The following SNX29 variants were observed in gnomAD, a reference collection of about 807,000 sequenced individuals.
SNX29 encodes the protein sorting nexin 29.
A neutral mutation model predicts 102.1 loss-of-function variants in SNX29; 78 were observed. The observed-to-expected ratio is 0.76, with a 90% confidence interval of 0.64 to 0.92. The LOEUF is 0.92. Ranked by LOEUF, SNX29 falls within the 40% of genes least tolerant of loss-of-function variation. The pLI, the probability that SNX29 is intolerant of heterozygous loss-of-function variation, is 0.00. For synonymous variants in SNX29, 580 were observed against 414.5 expected, an observed-to-expected ratio of 1.40 and a Z score of -4.85; for missense variants, 1,280 against 1,061.7, an observed-to-expected ratio of 1.21 and a Z score of -2.86.
At chr16:12,498,969 C>T (rs1391952400) in intron 19 of SNX29, among the ~76,000 whole-genome samples, 1 of 152,088 alleles carries the variant, frequency 6.6e-6, no homozygotes, top group African/African-American at 2.4e-5. Context: ...GGTAATGGAG[C>T]CATAGCTCCT....
intron 20 of SNX29, among the ~76,000 whole-genome samples, chr16:12,567,595 C>T (rs1016363219): frequency 2.0e-5 from 3 of 151,980 alleles, no homozygotes; most frequent in Non-Finnish European, 4.4e-5. Context: ...GAGCAAGACC[C>T]CATCTCTACA....
chr16:12,380,291 C>A (rs2083024920), intron 16 of SNX29, among the ~76,000 whole-genome samples: 1 of 148,646 alleles, frequency 6.7e-6, no homozygotes, highest in Non-Finnish European at 1.5e-5. Flanking sequence ...TCTCATCTAC[C>A]CCCCAACACC....
At chr16:12,547,274 G>A (rs1794318) in intron 20 of SNX29, among the ~76,000 whole-genome samples, 2 of 152,034 alleles carry the variant, frequency 1.3e-5, no homozygotes, top group African/African-American at 2.4e-5. Context: ...GCCTTGAAGA[G>A]TTGGCCCCTG....
At position 12,288,772 on chromosome 16, in the gene SNX29, C is replaced by T. The variant is rs2079693183; in HGVS notation, c.1782+10736C>T. Among the ~76,000 whole-genome samples the T allele has an allele frequency of 2.0e-5, 3 of 151,468 alleles. No individual in the cohort carries two copies. The South Asian group carries it at 6.3e-4, about 32-fold the overall frequency. The stretch of plus-strand genomic sequence containing the variant: ...TTTAGGCACTGTGTTAATTGCATTA[C>T]ATGGACTGTTTGATTCATTGTTCTC... On this transcript the variant is annotated intron_variant, in intron 15 of 20. Transcript: ENST00000566228.
In SNX29 at chr16:12,547,720, C is replaced by T. The variant is rs142942797; in HGVS notation, c.2319-20786C>T. 2.8e-3 allele frequency among the ~76,000 whole-genome samples: 423 copies of T among 152,292 alleles called. 3 individuals are homozygous for T. Among genetic ancestry groups the T allele is most frequent in the African/African-American group, 9.9e-3 (410 of 41,562 alleles). The stretch of plus-strand genomic sequence containing the variant: ...CCTGTCTGGGATCTGCATAGCATGG[C>T]ACCCATCACTGCCCCTCTAAGCCTC... On this transcript the variant is annotated intron_variant, in intron 20 of 20. Coordinates refer to ENST00000566228, the MANE Select transcript of SNX29 (RefSeq NM_032167.5).
chr16:12,309,444 C>T (rs1269384078), intron 15 of SNX29, among the ~76,000 whole-genome samples: 1 of 152,114 alleles, frequency 6.6e-6, no homozygotes, highest in African/African-American at 2.4e-5. Context: ...GTAACCTGTC[C>T]CCTCCCATCT....
intron 1 of SNX29, among the ~76,000 whole-genome samples, chr16:11,990,419 TC>T (rs2055804050): frequency 6.6e-6 from 1 of 152,190 alleles, no homozygotes; most frequent in Admixed American, 6.5e-5. Flanking sequence ...CCCGCTCATT[TC>T]CATGCCTCAC....
At chr16:12,474,774 C>G (rs145892113) in intron 18 of SNX29, among the ~76,000 whole-genome samples, 1 of 152,174 alleles carries the variant, frequency 6.6e-6, no homozygotes, top group African/African-American at 2.4e-5. Context: ...TGATCTCTCT[C>G]CCACTTCCGT....
chr16:12,446,473 C>T (rs912332976), intron 18 of SNX29, among the ~76,000 whole-genome samples: 1 of 152,148 alleles, frequency 6.6e-6, no homozygotes, highest in African/African-American at 2.4e-5. Context: ...TAGTAACTGC[C>T]TCTAATTGAG....
At chr16:12,440,195 C>G (rs1429942903) in intron 18 of SNX29, among the ~76,000 whole-genome samples, 2 of 152,236 alleles carry the variant, frequency 1.3e-5, no homozygotes, top group Non-Finnish European at 2.9e-5. Context: ...CTTCAGCCTT[C>G]TCTCTTTCTC....
At chr16:12,293,196 C>T (rs8046012) in intron 15 of SNX29, among the ~76,000 whole-genome samples, 84,910 of 151,916 alleles carry the variant, frequency 0.56, 24,041 homozygotes, top group African/African-American at 0.59. Flanking sequence ...CCCACCTTGG[C>T]CTCCGAAAGT....
In SNX29 at chr16:12,011,152, C is replaced by G. The variant is rs184222092; in HGVS notation, c.122+8109C>G. Among the ~76,000 whole-genome samples, 3 of 134,102 alleles carry G rather than the reference C, an allele frequency of 2.2e-5. No individual in the cohort carries two copies. In the East Asian group the frequency reaches 6.7e-4, roughly 30 times the overall value. 88.0% of individuals were successfully genotyped at this position (134,102 alleles called of 152,430 possible). A position where few individuals can be genotyped will look rare whatever the true frequency, so the allele number is the denominator to read the frequency against. ...TAGTAGACAGTCCATATTGCATACT[C>G]TTTTATTTTACTGCTTGATTAAATG... On this transcript the variant is annotated intron_variant, in intron 3 of 20. Transcript: ENST00000566228.
chr16:12,554,097 G>A (rs1459825436), intron 20 of SNX29, among the ~76,000 whole-genome samples: 2 of 152,192 alleles, frequency 1.3e-5, no homozygotes, highest in African/African-American at 2.4e-5. Context: ...AAAGCACTTG[G>A]GATTACAGGT....
At chr16:12,544,397 C>A (rs2077489386) in intron 20 of SNX29, among the ~76,000 whole-genome samples, 1 of 152,172 alleles carries the variant, frequency 6.6e-6, no homozygotes. Context: ...TGAGGTGGTT[C>A]TGCTAAAACA....
rs763200178 is a variant in SNX29, at chr16:12,043,083, T to A, written c.428+6T>A. The A allele has an allele frequency of 1.9e-6, 3 of 1,612,918 alleles. No individual in the cohort carries two copies. The South Asian group carries it at 3.3e-5, about 18-fold the overall frequency. ...GCCGACCGCTGCAGGCTGAGGTACG[T>A]GGCCGGGATGCGAACTGGGATGGGA... On this transcript the variant is annotated splice_donor_region_variant and intron_variant, in intron 5 of 20. Transcript: ENST00000566228.
intron 15 of SNX29, among the ~76,000 whole-genome samples, chr16:12,306,578 C>T (rs984008612): frequency 6.6e-6 from 1 of 152,138 alleles, no homozygotes; most frequent in East Asian, 1.9e-4. Flanking sequence ...CCTTTGAATA[C>T]GTGTTTCGCT....
intron 13 of SNX29, among the ~76,000 whole-genome samples, chr16:12,196,762 A>G (rs1052477458): frequency 1.3e-5 from 2 of 151,904 alleles, no homozygotes; most frequent in East Asian, 1.9e-4. Flanking sequence ...CTGGGATTAC[A>G]GGCACATGCC....
intron 20 of SNX29, among the ~76,000 whole-genome samples, chr16:12,538,930 T>G (rs1322052635): frequency 6.6e-6 from 1 of 152,134 alleles, no homozygotes; most frequent in African/African-American, 2.4e-5. Context: ...AGGGTGGCTG[T>G]GGGCATGTAG....
intron 14 of SNX29, among the ~76,000 whole-genome samples, chr16:12,242,278 C>T (rs1317328901): frequency 1.3e-5 from 2 of 150,532 alleles, no homozygotes; most frequent in Non-Finnish European, 3.0e-5. Context: ...GCTACCAGTG[C>T]CCTGATTTTA....
Sources: gnomAD v4.1 joint callset for allele counts (sites outside exome capture counted in the v4.1 genomes callset) on GRCh38, gnomAD v4.1.1 for gene constraint, MANE v1.5 for transcripts, NCBI Gene and HGNC (gene_info 2026-07-23, HGNC 2026-07-21) for gene names.